DRG1: variants seen among roughly 807,000 people sequenced by gnomAD.
DRG1 encodes developmentally regulated GTP binding protein 1.
In DRG1, 19 loss-of-function variants were observed where a neutral mutation model predicts 38.8. That is an observed-to-expected ratio of 0.49 (90% confidence interval 0.34 to 0.72). DRG1 has a LOEUF of 0.72. Among genes scored for constraint, DRG1 ranks in the 30% least tolerant of loss-of-function variants. DRG1 has a pLI of 0.01. For missense variants in DRG1, 299 were observed against 444.8 expected (o/e 0.67, Z 2.95); for synonymous variants, 167 against 157.5 (o/e 1.06, Z -0.45).
At chr22:31,420,682 C>T (rs527285276) in intron 5 of DRG1, among the ~76,000 whole-genome samples, 55 of 152,232 alleles carry the variant, frequency 3.6e-4, no homozygotes, top group South Asian at 1.2e-3. Context: ...CAATATTATG[C>T]TTGCATAAAG....
At chr22:31,407,580 C>T (rs1371571808) in intron 3 of DRG1, among the ~76,000 whole-genome samples, 4 of 152,120 alleles carry the variant, frequency 2.6e-5, no homozygotes, top group African/African-American at 9.7e-5. Context: ...AAGCAGTCTA[C>T]CTGCCTCAGC....
chr22:31,400,481 GATA>G (rs770598348), intron 1 of DRG1, 136 bp from the exon 2 acceptor site: 15 of 1,029,632 alleles, frequency 1.5e-5, no homozygotes, highest in Non-Finnish European at 2.1e-5. Flanking sequence ...GGATGGAGGA[GATA>G]ATGGACTTTT....
chr22:31,400,137 C>T (rs2049952767), intron 1 of DRG1, among the ~76,000 whole-genome samples: 1 of 152,114 alleles, frequency 6.6e-6, no homozygotes, highest in Admixed American at 6.6e-5. Context: ...TCCTTCGCTG[C>T]GTCCCCCTTA....
At chr22:31,403,335 A>G in intron 3 of DRG1, 131 bp downstream of exon 3, 1 of 984,428 alleles carries the variant, frequency 1.0e-6, no homozygotes. Context: ...TAGGGGAAAT[A>G]GAGCAGTACG....
chr22:31,425,440 C>CTTT (rs34249543), intron 6 of DRG1, among the ~76,000 whole-genome samples: 1 of 137,208 alleles, frequency 7.3e-6, no homozygotes, highest in Non-Finnish European at 1.6e-5. Context: ...TGATACATTA[C>CTTT]TTTTTTTTTT....
intron 3 of DRG1, among the ~76,000 whole-genome samples, chr22:31,410,173 C>T (rs1367967576): frequency 2.6e-5 from 4 of 152,052 alleles, no homozygotes; most frequent in Non-Finnish European, 4.4e-5. Context: ...ATAAAAAGCC[C>T]GGCCTAGGTG....
chr22:31,426,789 C>T lies in DRG1; in HGVS notation c.881+7C>T. The T allele has an allele frequency of 2.5e-6, 4 of 1,613,370 alleles. No homozygotes were observed. The highest frequency in any genetic ancestry group is 3.4e-6 in the Non-Finnish European group (4 of 1,179,626). On this transcript the variant is annotated splice_region_variant and intron_variant, in intron 7 of 8. Coordinates refer to ENST00000331457, the MANE Select transcript of DRG1 (RefSeq NM_004147.4). ...ATCTGAAACTAGTGAGAATGTAAGT[C>T]TTTGTGGATAGGGTAATGTTGCTAT...
chr22:31,426,815 A>G (rs2050113894), intron 7 of DRG1, 33 bp downstream of exon 7: 4 of 1,606,506 alleles, frequency 2.5e-6, no homozygotes, highest in Non-Finnish European at 3.4e-6. Flanking sequence ...ATGTTGCTAT[A>G]GGAATTAACC....
chr22:31,412,846 C>T (rs763659218), intron 4 of DRG1, among the ~76,000 whole-genome samples: 24 of 152,022 alleles, frequency 1.6e-4, no homozygotes, highest in African/African-American at 3.4e-4. Flanking sequence ...CCACCATACC[C>T]GGCTAATTTT....
chr22:31,420,140 T>A, intron 4 of DRG1, 116 bp from the exon 5 acceptor site: 1 of 1,145,794 alleles, frequency 8.7e-7, no homozygotes, highest in South Asian at 1.6e-5. Context: ...ATGTATGTAT[T>A]ACAGAAAAAT....
intron 3 of DRG1, among the ~76,000 whole-genome samples, chr22:31,406,668 C>G (rs1222897334): frequency 6.6e-6 from 1 of 150,928 alleles, no homozygotes; most frequent in East Asian, 1.9e-4. Context: ...GAATGAGACC[C>G]TGTCCCGGAA....
At chr22:31,419,004 A>G (rs998325634) in intron 4 of DRG1, among the ~76,000 whole-genome samples, 4 of 152,034 alleles carry the variant, frequency 2.6e-5, no homozygotes, top group Admixed American at 6.6e-5. Context: ...TAGCAGAGAC[A>G]GGGTTTCACC....
intron 1 of DRG1, among the ~76,000 whole-genome samples, chr22:31,400,164 T>G (rs1463399618): frequency 6.6e-6 from 1 of 152,044 alleles, no homozygotes; most frequent in Non-Finnish European, 1.5e-5. Context: ...CTTTTCCCAG[T>G]GTCTACCCTA....
Position 31,408,668 on chromosome 22 carries a change from G to A in DRG1, c.343-2344G>A, listed in dbSNP as rs191088818. Among the ~76,000 whole-genome samples the A allele has an allele frequency of 3.0e-3, 450 of 147,796 alleles. 1 individual carries two copies. The highest frequency in any genetic ancestry group is 5.3e-3 in the Non-Finnish European group (357 of 67,618). Reference sequence around the variant, plus strand: ...CTCAGGAGGCTGAGGTGCGAGAATCGCTTGAACCTGGGAGGCGGACATTGC... The same window carrying A: ...CTCAGGAGGCTGAGGTGCGAGAATCACTTGAACCTGGGAGGCGGACATTGC... On this transcript the variant is annotated intron_variant, in intron 3 of 8. Coordinates refer to ENST00000331457, the MANE Select transcript of DRG1 (RefSeq NM_004147.4).
intron 4 of DRG1, among the ~76,000 whole-genome samples, chr22:31,413,481 GTATTTCTGCTC>G (rs2050028724): frequency 6.6e-6 from 1 of 151,546 alleles, no homozygotes; most frequent in Admixed American, 6.6e-5. Flanking sequence ...GCTATTGAGT[GTATTTCTGCTC>G]TAGTATTATT....
rs772697154 is a variant in DRG1 at position 31,399,662 on chromosome 22, A to C, written c.-22A>C. The C allele has an allele frequency of 3.7e-6, 6 of 1,614,020 alleles. No individual in the cohort carries two copies. The Admixed American group carries it at 1.0e-4, about 27-fold the overall frequency. On this transcript the variant is annotated 5_prime_UTR_variant, in exon 1 of 9. Transcript: ENST00000331457. ...GGGTGTGTGAAGGGAGACAGTGTGGAGGCCACAGGGTACTCGCCACGATGA... is the reference window on the plus strand; with the variant it reads ...GGGTGTGTGAAGGGAGACAGTGTGGCGGCCACAGGGTACTCGCCACGATGA...
chr22:31,423,309 T>C lies in DRG1; in HGVS notation c.612T>C (p.Thr204=), dbSNP rs761386637. 1.2e-6 allele frequency: 2 copies of C among 1,614,134 alleles called. No homozygotes were observed. Among genetic ancestry groups the C allele is most frequent in the African/African-American group, 1.3e-5 (1 of 75,042 alleles). ...TCPQSELDAE[T]VKSILAEYKI... ...CCCAGAGTGAGCTGGATGCTGAAAC[T>C]GTGAAGAGCATTCTGGCTGAATACA... Residue 204 remains threonine, a synonymous_variant, in exon 6 of 9, where the codon ACT becomes ACC. Transcript: ENST00000331457.
rs2145874381 is a variant in DRG1, at chr22:31,433,866, A to G, written c.1005-6A>G. The stretch of plus-strand genomic sequence containing the variant: ...ACACTGACTGTTCTTTTTCCCTTCC[A>G]TGCAGTGCTCTGGTCTGGGGTCTCT... On this transcript the variant is annotated splice_region_variant and splice_polypyrimidine_tract_variant and intron_variant, in intron 8 of 8. Coordinates refer to ENST00000331457, the MANE Select transcript of DRG1 (RefSeq NM_004147.4). 6.2e-7 allele frequency: 1 copy of G among 1,613,774 alleles called. No individual in the cohort carries two copies. Among genetic ancestry groups the G allele is most frequent in the African/African-American group, 1.3e-5 (1 of 75,042 alleles).
At chr22:31,404,216 A>T (rs1006152798) in intron 3 of DRG1, among the ~76,000 whole-genome samples, 7 of 148,368 alleles carry the variant, frequency 4.7e-5, no homozygotes, top group African/African-American at 1.7e-4. Context: ...AAACTAAGTT[A>T]TGTAAGCTTA....
Sources: allele counts gnomAD v4.1 joint callset (sites outside exome capture counted in the v4.1 genomes callset), GRCh38; gene constraint gnomAD v4.1.1; transcripts MANE v1.5; gene names NCBI Gene and HGNC (gene_info 2026-07-23, HGNC 2026-07-21).